Variants in LBX2 observed in about 807,000 individuals in gnomAD.
LBX2 encodes ladybird homeobox 2.
In LBX2, 6 loss-of-function variants were observed where a neutral mutation model predicts 7.5. The observed-to-expected ratio is 0.80, with a 90% CI of 0.44 to 1.59. LBX2 has a LOEUF of 1.59. LBX2 is among the 40% of genes most tolerant of loss of function. The pLI is 0.01. For missense variants in LBX2, 281 were observed against 282.0 expected, an observed-to-expected ratio of 1.00 and a Z score of 0.03; for synonymous variants, 143 against 133.2, an observed-to-expected ratio of 1.07 and a Z score of -0.51.
rs1674388977 is a variant in LBX2, at chr2:74,497,936, C to A, written c.588G>T (p.Val196=). 8 of 1,567,476 alleles carry A rather than the reference C, an allele frequency of 5.1e-6. No individual in the cohort carries two copies. Among genetic ancestry groups the A allele is most frequent in the East Asian group, 2.3e-5 (1 of 44,096 alleles). ...GGCGGCGGCTTTGTCTTCAATCGTC[C>A]ACCTGTATCTCCTCGTCTGACAGGT... ...RPHLSDEEIQ[V]DD The change falls in exon 2 of 2, where the codon GTG becomes GTT. Residue 196 remains valine (V), a synonymous_variant. Coordinates refer to ENST00000377566, the MANE Select transcript of LBX2 (RefSeq NM_001282430.2).
chr2:74,497,755 C>T lies in LBX2; in HGVS notation c.*172G>A. On this transcript the variant is annotated 3_prime_UTR_variant, in exon 2 of 2. Transcript: ENST00000377566. ...CCTGGGCGACAGAGCGAGGCCCTGT[C>T]TCAGACAACAAAACAAACTTACAAA... 4 of 733,536 alleles carry T rather than the reference C, an allele frequency of 5.5e-6. No homozygotes were observed. In the South Asian group the frequency reaches 8.9e-5, roughly 16 times the overall value. 45.4% of individuals were successfully genotyped at this position (733,536 alleles called of 1,614,324 possible).
Position 74,498,324 on chromosome 2 carries a change from G to A in LBX2, c.206-6C>T. On this transcript the variant is annotated splice_polypyrimidine_tract_variant and splice_region_variant and intron_variant, in intron 1 of 1. Coordinates refer to ENST00000377566, the MANE Select transcript of LBX2 (RefSeq NM_001282430.2). ...CGCGTCCGGACCTGCCCGCCCTGTA[G>A]GGATAGGGAGGGGGTCAGTTTCCAG... 1.3e-6 allele frequency: 2 copies of A among 1,503,982 alleles called. No individual in the cohort carries two copies. The highest frequency in any genetic ancestry group is 1.8e-6 in the Non-Finnish European group (2 of 1,130,840). 93.2% of individuals were successfully genotyped at this position (1,503,982 alleles called of 1,614,324 possible). A position where few individuals can be genotyped will look rare whatever the true frequency, so the allele number is the denominator to read the frequency against.
upstream of LBX2, chr2:74,501,749 C>G (rs2104305850): frequency 6.6e-6 from 1 of 152,394 alleles, no homozygotes; most frequent in Non-Finnish European, 1.5e-5. Flanking sequence ...CAGAAGGGGA[C>G]TTTTCTCAGT....
upstream of LBX2, chr2:74,499,725 C>G: frequency 1.6e-6 from 1 of 627,772 alleles, no homozygotes; most frequent in Non-Finnish European, 2.8e-6. The surrounding 1 kb of genome is among the most constrained non-coding windows in gnomAD (Gnocchi z 4.6). Context: ...TCTGGAGCTC[C>G]TAGATGTCCG....
chr2:74,497,695 C>T lies in LBX2; in HGVS notation c.*232G>A, dbSNP rs1466477275. The T allele has an allele frequency of 1.3e-5, 6 of 456,094 alleles. No individual in the cohort carries two copies. The highest frequency in any genetic ancestry group is 2.3e-5 in the Non-Finnish European group (6 of 263,394). 28.3% of individuals were successfully genotyped at this position (456,094 alleles called of 1,614,324 possible). A position where few individuals can be genotyped will look rare whatever the true frequency, so the allele number is the denominator to read the frequency against. ...ATCGCTTGAGCCCAGGAGGTCGCGA[C>T]TGCAGTGAGCGGTGATCGCTCCACG... On this transcript the variant is annotated 3_prime_UTR_variant, in exon 2 of 2. Coordinates refer to ENST00000377566, the MANE Select transcript of LBX2 (RefSeq NM_001282430.2).
chr2:74,502,820 A>C (rs1345137911), upstream of LBX2: 1 of 1,612,030 alleles, frequency 6.2e-7, no homozygotes, highest in Non-Finnish European at 8.5e-7. This position sits in a 1 kb window ranked among gnomAD's most constrained non-coding sequence, Gnocchi z 5.4. Flanking sequence ...TCTCCCCCCA[A>C]CTCCCCAAGA....
chr2:74,503,095 G>A (rs1674532883), upstream of LBX2: 3 of 475,986 alleles, frequency 6.3e-6, no homozygotes, highest in South Asian at 7.1e-5. The surrounding 1 kb of genome is among the most constrained non-coding windows in gnomAD (Gnocchi z 5.1). Context: ...TGGTCCTGCC[G>A]CCACCTCTCC....
chr2:74,500,374 T>C (rs1674460903), upstream of LBX2, among the ~76,000 whole-genome samples: 1 of 152,160 alleles, frequency 6.6e-6, no homozygotes. Context: ...CGATTTTGTC[T>C]GTCTTTATCT....
upstream of LBX2, chr2:74,499,831 G>A (rs1674447978): frequency 2.0e-6 from 1 of 488,770 alleles, no homozygotes; most frequent in Non-Finnish European, 3.7e-6. The surrounding 1 kb of genome is among the most constrained non-coding windows in gnomAD (Gnocchi z 4.6). Flanking sequence ...CGCGCTGCGG[G>A]GCGCTGCACC....
At chr2:74,502,490 A>C (rs1183499047), upstream of LBX2, 6 of 636,782 alleles carry the variant, frequency 9.4e-6, no homozygotes, top group Admixed American at 8.9e-5. The surrounding 1 kb of genome is among the most constrained non-coding windows in gnomAD (Gnocchi z 5.4). Context: ...CCTCCTCCCC[A>C]CCCTTAGGAA....
Position 74,497,785 on chromosome 2 carries a change from C to T in LBX2, c.*142G>A. 2 of 906,906 alleles carry T rather than the reference C, an allele frequency of 2.2e-6. No individual in the cohort carries two copies. The highest frequency in any genetic ancestry group is 2.1e-5 in the South Asian group (1 of 46,992). The allele number at this position is 906,906 out of a possible 1,614,324, so 56.2% of individuals were successfully genotyped here. A position where few individuals can be genotyped will look rare whatever the true frequency, so the allele number is the denominator to read the frequency against. On this transcript the variant is annotated 3_prime_UTR_variant, in exon 2 of 2. Coordinates refer to ENST00000377566, the MANE Select transcript of LBX2 (RefSeq NM_001282430.2). ...ACAACAAAACAAACTTACAAAAAAACCGGGAAAGGTGAGCGTCTGGACTGT... is the reference window on the plus strand; with the variant it reads ...ACAACAAAACAAACTTACAAAAAAATCGGGAAAGGTGAGCGTCTGGACTGT...
chr2:74,499,565 G>A lies in LBX2; in HGVS notation c.-28C>T. The A allele has an allele frequency of 6.5e-7, 1 of 1,539,322 alleles. No individual in the cohort carries two copies. The highest frequency in any genetic ancestry group is 1.2e-5 in the South Asian group (1 of 83,630). ...TCGGCCGGGCTGGGGCGGTCCGGCT[G>A]TCCGTTGCGCTAGGCTCCGCAAACG... On this transcript the variant is annotated 5_prime_UTR_variant, in exon 1 of 2. Transcript: ENST00000377566. This position sits in a 1 kb window ranked among gnomAD's most constrained non-coding sequence, Gnocchi z 4.6.
In LBX2 at chr2:74,499,551, G is replaced by T. The variant is rs766424260; in HGVS notation, c.-14C>A. The T allele has an allele frequency of 3.9e-6, 6 of 1,542,680 alleles. No individual in the cohort carries two copies. In the African/African-American group the frequency reaches 4.1e-5, roughly 11 times the overall value. On this transcript the variant is annotated 5_prime_UTR_variant, in exon 1 of 2. Coordinates refer to ENST00000377566, the MANE Select transcript of LBX2 (RefSeq NM_001282430.2). This position sits in a 1 kb window ranked among gnomAD's most constrained non-coding sequence, Gnocchi z 4.6. ...TCCCGAGTTCATGGTCGGCCGGGCT[G>T]GGGCGGTCCGGCTGTCCGTTGCGCT...
chr2:74,499,629 G>T, upstream of LBX2: 2 of 1,359,000 alleles, frequency 1.5e-6, no homozygotes, highest in Non-Finnish European at 2.0e-6. This position sits in a 1 kb window ranked among gnomAD's most constrained non-coding sequence, Gnocchi z 4.6. Context: ...CGGGCCCCCA[G>T]CCTCGGACCC....
At chr2:74,500,722 G>A (rs75493209), upstream of LBX2, among the ~76,000 whole-genome samples, 3 of 152,184 alleles carry the variant, frequency 2.0e-5, no homozygotes, top group Non-Finnish European at 4.4e-5. Context: ...CAGCAGTTGA[G>A]GCCCAGCAGG....
upstream of LBX2, chr2:74,499,822 G>A (rs1048990281): frequency 2.7e-5 from 14 of 517,806 alleles, no homozygotes; most frequent in South Asian, 1.1e-4. The surrounding 1 kb of genome is among the most constrained non-coding windows in gnomAD (Gnocchi z 4.6). Context: ...GGGCTGCTCC[G>A]CGCTGCGGGG....
chr2:74,499,639 C>CA (rs1674443627), upstream of LBX2: 1 of 1,281,138 alleles, frequency 7.8e-7, no homozygotes. The surrounding 1 kb of genome is among the most constrained non-coding windows in gnomAD (Gnocchi z 4.6). Context: ...GCCTCGGACC[C>CA]GCCCCCGGCT....
Position 74,499,298 on chromosome 2 carries a change from C to G in LBX2, c.205+35G>C. On this transcript the variant is annotated intron_variant, in intron 1 of 1. Coordinates refer to ENST00000377566, the MANE Select transcript of LBX2 (RefSeq NM_001282430.2). The surrounding 1 kb of genome is among the most constrained non-coding windows in gnomAD (Gnocchi z 4.6). ...CAGGAGGAGAGAGGTGAGGAAAAGGCTAAGTCAGAGTCCGCGACCTTGCCG... is the reference window on the plus strand; with the variant it reads ...CAGGAGGAGAGAGGTGAGGAAAAGGGTAAGTCAGAGTCCGCGACCTTGCCG... The G allele has an allele frequency of 6.6e-7, 1 of 1,525,936 alleles. No homozygotes were observed. Among genetic ancestry groups the G allele is most frequent in the East Asian group, 2.5e-5 (1 of 40,772 alleles). The allele number at this position is 1,525,936 out of a possible 1,614,324, so 94.5% of individuals were successfully genotyped here.
upstream of LBX2, chr2:74,501,715 C>G (rs1674487665): frequency 6.6e-6 from 1 of 152,356 alleles, no homozygotes. Flanking sequence ...CGGCCAGGGA[C>G]TAGTCCAGGG....
Sources: allele counts gnomAD v4.1 joint callset (sites outside exome capture counted in the v4.1 genomes callset), GRCh38; gene constraint gnomAD v4.1.1; non-coding constraint Gnocchi (gnomAD v3.1); transcripts MANE v1.5; gene names NCBI Gene and HGNC (gene_info 2026-07-23, HGNC 2026-07-21).